Variants in ELP4 observed in about 807,000 individuals in gnomAD.
ELP4 encodes the protein elongator acetyltransferase complex subunit 4.
ELP4 carries 51 observed loss-of-function variants against 48.9 expected under a neutral mutation model. The observed-to-expected ratio is 1.04, with a 90% CI of 0.83 to 1.32. The LOEUF (loss-of-function observed/expected upper bound fraction) is 1.32. ELP4 is among the 40% of genes most tolerant of loss of function. ELP4 has a pLI of 0.00. For synonymous variants in ELP4, 210 were observed against 189.2 expected, an observed-to-expected ratio of 1.11 and a Z score of -0.90; for missense variants, 519 against 514.6, an observed-to-expected ratio of 1.01 and a Z score of -0.08.
intron 3 of ELP4, among the ~76,000 whole-genome samples, chr11:31,560,684 A>ATTGTTTTATATATATATAAAACAAAG (rs1565053635): frequency 1.8e-5 from 2 of 108,842 alleles, no homozygotes; most frequent in South Asian, 3.4e-4. Context: ...TAAAGACCAC[A>ATTGTTTTATATATATATAAAACAAAG]TTGTTTTATA....
chr11:31,532,289 C>T (rs932841435), intron 2 of ELP4, among the ~76,000 whole-genome samples: 3 of 152,128 alleles, frequency 2.0e-5, no homozygotes, highest in Non-Finnish European at 2.9e-5. Flanking sequence ...TAACATAAAA[C>T]ATGTTTGCTA....
intron 9 of ELP4, among the ~76,000 whole-genome samples, chr11:31,781,714 G>GTCTC (rs1440726642): frequency 6.6e-6 from 1 of 151,656 alleles, no homozygotes; most frequent in Non-Finnish European, 1.5e-5. Context: ...GGCCAGGATG[G>GTCTC]TCTCCATCTC....
rs1947439664 is a variant in ELP4 at position 31,741,224 on chromosome 11, G to C, written c.1144-42169G>C. 2.6e-5 allele frequency among the ~76,000 whole-genome samples: 4 copies of C among 152,128 alleles called. No individual in the cohort carries two copies. The South Asian group carries it at 8.3e-4, about 32-fold the overall frequency. On this transcript the variant is annotated intron_variant, in intron 9 of 9. Coordinates refer to ENST00000640961, the MANE Select transcript of ELP4 (RefSeq NM_019040.5). ...CCCGCCATAGCCGAGTTAGTTGTTTGATTAGGTAAACAAAGCGGCCGGTAA... is the reference window on the plus strand; with the variant it reads ...CCCGCCATAGCCGAGTTAGTTGTTTCATTAGGTAAACAAAGCGGCCGGTAA...
chr11:31,551,573 A>G (rs143658666), intron 3 of ELP4, among the ~76,000 whole-genome samples: 2 of 152,298 alleles, frequency 1.3e-5, no homozygotes, highest in East Asian at 3.9e-4. Flanking sequence ...TTGGTGCAGA[A>G]AAGTTTTGGA....
At chr11:31,528,710 G>A (rs1956340429) in intron 2 of ELP4, among the ~76,000 whole-genome samples, 4 of 152,032 alleles carry the variant, frequency 2.6e-5, no homozygotes, top group Admixed American at 6.6e-5. Context: ...TTTAGAATTA[G>A]TACCATTAAG....
chr11:31,756,696 A>AT (rs1214751184), intron 9 of ELP4, among the ~76,000 whole-genome samples: 1 of 152,224 alleles, frequency 6.6e-6, no homozygotes. Flanking sequence ...AAAGGAAAAA[A>AT]GGAGAGGACA....
rs181063890 is a variant in ELP4, at chr11:31,756,552, A to C, written c.1144-26841A>C. 6.6e-5 allele frequency among the ~76,000 whole-genome samples: 10 copies of C among 152,242 alleles called. No individual in the cohort carries two copies. The East Asian group carries it at 1.9e-3, about 29-fold the overall frequency. ...CCTCAAAGCCTTTCCTTGTCTGTTA[A>C]AGTCTCTCTTTAAGTGTACTTTCAG... On this transcript the variant is annotated intron_variant, in intron 9 of 9. Coordinates refer to ENST00000640961, the MANE Select transcript of ELP4 (RefSeq NM_019040.5).
At chr11:31,510,784 C>T (rs1448623866) in intron 1 of ELP4, 1 of 163,652 alleles carries the variant, frequency 6.1e-6, no homozygotes, top group Non-Finnish European at 1.3e-5. Flanking sequence ...GAAGAATATG[C>T]TTGTTTCATA....
intron 9 of ELP4, among the ~76,000 whole-genome samples, chr11:31,658,590 T>C (rs1242830220): frequency 6.6e-6 from 1 of 151,922 alleles, no homozygotes; most frequent in Non-Finnish European, 1.5e-5. Context: ...TTTGATACAG[T>C]CTAAAAGTGT....
rs776978760 is a variant in ELP4, at chr11:31,603,897, G to A, written c.643G>A (p.Val215Ile). The change falls in exon 5 of 10, where the codon GTA (valine) becomes ATA (isoleucine). Residue 215 changes from valine (V) to isoleucine (I), a missense_variant. Transcript: ENST00000640961. ...AGAGAAAATATCTTCAACTCTCAAA[G>A]TAGAACCCTGGTAAGTTAATGACCC... is the stretch of plus-strand genomic sequence containing the variant. ...LPEKISSTLKVEPCSLTPGYT... is the reference protein window; with the variant it reads ...LPEKISSTLKIEPCSLTPGYT... 16 of 1,610,630 alleles carry A rather than the reference G, an allele frequency of 9.9e-6. No individual in the cohort carries two copies. The highest frequency in any genetic ancestry group is 1.3e-5 in the Non-Finnish European group (15 of 1,177,904).
chr11:31,510,068 G>T, intron 1 of ELP4, 61 bp downstream of exon 1: 1 of 1,512,716 alleles, frequency 6.6e-7, no homozygotes, highest in Non-Finnish European at 9.0e-7. Context: ...GGACCTGTCG[G>T]GGAAGCCACT....
At chr11:31,533,281 G>T (rs1244989013) in intron 2 of ELP4, among the ~76,000 whole-genome samples, 2 of 150,362 alleles carry the variant, frequency 1.3e-5, no homozygotes, top group African/African-American at 4.9e-5. Flanking sequence ...GTAAAAACGT[G>T]TGGTATTTGG....
At chr11:31,611,371 T>C (rs1022158571) in intron 5 of ELP4, among the ~76,000 whole-genome samples, 1 of 152,208 alleles carries the variant, frequency 6.6e-6, no homozygotes, top group Non-Finnish European at 1.5e-5. Context: ...AGTCCAGTTT[T>C]ACAGTATGAG....
chr11:31,585,415 A>C (rs1487988319), intron 3 of ELP4, among the ~76,000 whole-genome samples: 4 of 152,006 alleles, frequency 2.6e-5, no homozygotes, highest in East Asian at 1.9e-4. Flanking sequence ...TCACAAGAGA[A>C]TAAAGAGCCT....
chr11:31,750,968 C>T (rs1947706643), intron 9 of ELP4, among the ~76,000 whole-genome samples: 1 of 152,166 alleles, frequency 6.6e-6, no homozygotes, highest in Non-Finnish European at 1.5e-5. Flanking sequence ...GAAGAGAATT[C>T]TTCAGGCTCC....
At chr11:31,700,217 C>A (rs1946492772) in intron 9 of ELP4, among the ~76,000 whole-genome samples, 1 of 150,854 alleles carries the variant, frequency 6.6e-6, no homozygotes, top group Non-Finnish European at 1.5e-5. Context: ...GGGAGTGTAT[C>A]TATTTTTTTA....
intron 7 of ELP4, among the ~76,000 whole-genome samples, chr11:31,644,008 A>T (rs1292806133): frequency 6.6e-6 from 1 of 151,806 alleles, no homozygotes; most frequent in African/African-American, 2.4e-5. Flanking sequence ...TGAGATTGCC[A>T]GCAAACTCTT....
chr11:31,781,488 CTTTTTTTTTTTT>C (rs141365629), intron 9 of ELP4, among the ~76,000 whole-genome samples: 14 of 67,416 alleles, frequency 2.1e-4, no homozygotes, highest in African/African-American at 4.2e-4. Flanking sequence ...ATTCCTGAGC[CTTTTTTTTTTTT>C]TTTTTTTTTT....
At chr11:31,662,615 C>G (rs981570077) in intron 9 of ELP4, 2 of 397,682 alleles carry the variant, frequency 5.0e-6, no homozygotes, top group African/African-American at 2.1e-5. Flanking sequence ...TAAAGAAGAA[C>G]CCCTACTTTA....
Sources: allele counts gnomAD v4.1 joint callset (sites outside exome capture counted in the v4.1 genomes callset), GRCh38; gene constraint gnomAD v4.1.1; transcripts MANE v1.5; gene names NCBI Gene and HGNC (gene_info 2026-07-23, HGNC 2026-07-21).